FLI1: variants seen among roughly 807,000 people sequenced by gnomAD.
The protein encoded by FLI1 is Fli-1 proto-oncogene, ETS transcription factor.
FLI1 carries 13 observed loss-of-function variants against 53.1 expected under a neutral mutation model. The ratio of observed to expected loss-of-function variants is 0.24; its 90% CI spans 0.16 to 0.39. The LOEUF is 0.39. Among genes scored for constraint, FLI1 ranks in the 10% least tolerant of loss-of-function variants. The pLI, the probability that FLI1 is intolerant of heterozygous loss-of-function variation, is 1.00. For missense variants in FLI1, 424 were observed against 600.5 expected, an observed-to-expected ratio of 0.71 and a Z score of 3.07; for synonymous variants, 244 against 236.7, an observed-to-expected ratio of 1.03 and a Z score of -0.28.
Position 128,810,621 on chromosome 11 carries a change from A to G in FLI1, c.992A>G (p.Asn331Ser), listed in dbSNP as rs1386635255. 1.2e-6 allele frequency: 2 copies of G among 1,613,942 alleles called. No individual in the cohort carries two copies. The highest frequency in any genetic ancestry group is 8.5e-7 in the Non-Finnish European group (1 of 1,179,954). ...GAGCGGAAAAGCAAGCCCAACATGA[A>G]TTACGACAAGCTGAGCCGGGCCCTC... The part of the protein sequence containing the change: ...WGERKSKPNM[N>S]YDKLSRALRY... The change falls in exon 9 of 9, where the codon AAT becomes AGT. Residue 331 changes from asparagine (N) to serine (S), a missense_variant. Around this residue, in one of 5 missense-constraint regions of FLI1, gnomAD observed 71 missense variants for 174.2 expected, o/e 0.41. Coordinates refer to ENST00000527786, the MANE Select transcript of FLI1 (RefSeq NM_002017.5). This position sits in a 1 kb window ranked among gnomAD's most constrained non-coding sequence, Gnocchi z 6.6.
intron 1 of FLI1, among the ~76,000 whole-genome samples, chr11:128,736,368 T>C (rs1467103669): frequency 1.3e-5 from 2 of 152,248 alleles, no homozygotes; most frequent in Non-Finnish European, 2.9e-5. Context: ...GGCGGTAGCA[T>C]GAGCCCTCTG....
At chr11:128,704,499 A>G (rs1317305956) in intron 1 of FLI1, among the ~76,000 whole-genome samples, 5 of 152,196 alleles carry the variant, frequency 3.3e-5, no homozygotes, top group Non-Finnish European at 7.3e-5. Context: ...CTTTGGCTCC[A>G]AGCGTCTTTC....
intron 5 of FLI1, among the ~76,000 whole-genome samples, chr11:128,792,021 G>T (rs1591817271): frequency 6.6e-6 from 1 of 152,156 alleles, no homozygotes; most frequent in Admixed American, 6.5e-5. Context: ...CACAATAAGA[G>T]CTAACATTTG....
chr11:128,772,073 CACACAT>C (rs1405776172), intron 3 of FLI1, among the ~76,000 whole-genome samples: 158 of 133,464 alleles, frequency 1.2e-3, no homozygotes, highest in African/African-American at 3.9e-3. Flanking sequence ...CACACACACA[CACACAT>C]ACACACACTG....
chr11:128,784,636 C>T (rs559516860), intron 5 of FLI1, among the ~76,000 whole-genome samples: 158 of 152,276 alleles, frequency 1.0e-3, no homozygotes, highest in African/African-American at 3.2e-3. Context: ...TCTGTCTGAA[C>T]GACCCATCAA....
chr11:128,751,753 C>G (rs1940653763), intron 1 of FLI1, among the ~76,000 whole-genome samples: 1 of 151,476 alleles, frequency 6.6e-6, no homozygotes, highest in African/African-American at 2.4e-5. Flanking sequence ...TGGTCTTGAT[C>G]TCTTGACCTC....
At chr11:128,799,961 C>T (rs542451603) in intron 5 of FLI1, among the ~76,000 whole-genome samples, 1 of 152,300 alleles carries the variant, frequency 6.6e-6, no homozygotes, top group African/African-American at 2.4e-5. Flanking sequence ...ACGTCATAAC[C>T]TGTCGGACAG....
chr11:128,746,975 G>A (rs1286930703), intron 1 of FLI1, among the ~76,000 whole-genome samples: 1 of 152,212 alleles, frequency 6.6e-6, no homozygotes, highest in Non-Finnish European at 1.5e-5. Context: ...GTGATTGGCT[G>A]CCTTTTGACC....
At position 128,811,535 on chromosome 11, in the gene FLI1, G is replaced by C. The variant is rs1328543334; in HGVS notation, c.*547G>C. 1 of 230,286 alleles carries C rather than the reference G, an allele frequency of 4.3e-6. No individual in the cohort carries two copies. Among genetic ancestry groups the C allele is most frequent in the Non-Finnish European group, 8.5e-6 (1 of 117,138 alleles). The allele number at this position is 230,286 out of a possible 1,614,324, so 14.3% of individuals were successfully genotyped here. ...CCCAACTGGAATTTGATGGAAAGAA[G>C]GTTTGTGTGTTTAAGACGCCAAGGG... is the stretch of plus-strand genomic sequence containing the variant. On this transcript the variant is annotated 3_prime_UTR_variant, in exon 9 of 9. Coordinates refer to ENST00000527786, the MANE Select transcript of FLI1 (RefSeq NM_002017.5).
At chr11:128,690,606 A>G (rs1327486119), upstream of FLI1, among the ~76,000 whole-genome samples, 1 of 152,198 alleles carries the variant, frequency 6.6e-6, no homozygotes, top group Non-Finnish European at 1.5e-5. Context: ...AAATACTGTC[A>G]AGTGCGAATG....
chr11:128,685,248 G>C (rs546384551), upstream of FLI1, among the ~76,000 whole-genome samples: 1 of 152,226 alleles, frequency 6.6e-6, no homozygotes, highest in African/African-American at 2.4e-5. Context: ...GCACGCAGCA[G>C]GTTTAACTCC....
Position 128,810,356 on chromosome 11 carries a change from G to T in FLI1, c.830-103G>T, listed in dbSNP as rs570753562. ...ATCCCAATGTCGAAGGAAACAAAAG[G>T]TTTCTTTAAAAGGATGAGAAGCTCC... is the stretch of plus-strand genomic sequence containing the variant. On this transcript the variant is annotated intron_variant, in intron 8 of 8. Coordinates refer to ENST00000527786, the MANE Select transcript of FLI1 (RefSeq NM_002017.5). This position sits in a 1 kb window ranked among gnomAD's most constrained non-coding sequence, Gnocchi z 6.6. 1.5e-5 allele frequency: 17 copies of T among 1,171,016 alleles called. No homozygotes were observed. Among genetic ancestry groups the T allele is most frequent in the African/African-American group, 1.2e-4 (8 of 64,066 alleles). 72.5% of individuals were successfully genotyped at this position (1,171,016 alleles called of 1,614,324 possible). A position where few individuals can be genotyped will look rare whatever the true frequency, so the allele number is the denominator to read the frequency against.
At chr11:128,795,254 C>T (rs1942398540) in intron 5 of FLI1, among the ~76,000 whole-genome samples, 1 of 152,218 alleles carries the variant, frequency 6.6e-6, no homozygotes, top group Admixed American at 6.5e-5. Flanking sequence ...ATATGTTTTT[C>T]TTCCTCCTTA....
upstream of FLI1, chr11:128,693,876 G>A: frequency 4.5e-6 from 1 of 223,582 alleles, no homozygotes; most frequent in Non-Finnish European, 8.0e-6. Context: ...GAGGAAGAGG[G>A]GGTGTGGGGG....
intron 5 of FLI1, among the ~76,000 whole-genome samples, chr11:128,790,951 AG>A (rs1942252885): frequency 6.6e-6 from 1 of 152,086 alleles, no homozygotes; most frequent in South Asian, 2.1e-4. Flanking sequence ...GGGCACAACT[AG>A]GGGTGACCAC....
chr11:128,730,825 G>A (rs770276278), intron 1 of FLI1, among the ~76,000 whole-genome samples: 37 of 152,222 alleles, frequency 2.4e-4, no homozygotes, highest in African/African-American at 6.5e-4. Flanking sequence ...GTATTTAGAG[G>A]CTCACAGAAA....
At chr11:128,749,538 TTTATCACC>T in intron 1 of FLI1, among the ~76,000 whole-genome samples, 1 of 152,298 alleles carries the variant, frequency 6.6e-6, no homozygotes, top group South Asian at 2.1e-4. Flanking sequence ...TCATAATACC[TTTATCACC>T]TTGTCCCGGA....
intron 2 of FLI1, among the ~76,000 whole-genome samples, chr11:128,760,128 G>A (rs991877385): frequency 5.9e-5 from 9 of 152,252 alleles, no homozygotes; most frequent in East Asian, 3.9e-4. Flanking sequence ...TGATGGTGCC[G>A]GAGCTCCTAA....
At chr11:128,755,524 C>G (rs1448053751) in intron 1 of FLI1, among the ~76,000 whole-genome samples, 1 of 152,208 alleles carries the variant, frequency 6.6e-6, no homozygotes, top group Non-Finnish European at 1.5e-5. Context: ...GGACAGCTGT[C>G]TGAAAGGTTG....
Sources: allele counts gnomAD v4.1 joint callset (sites outside exome capture counted in the v4.1 genomes callset), GRCh38; gene constraint gnomAD v4.1.1; regional missense constraint gnomAD v4.1.1; non-coding constraint Gnocchi (gnomAD v3.1); transcripts MANE v1.5; gene names NCBI Gene and HGNC (gene_info 2026-07-23, HGNC 2026-07-21).